SRGAP1: variants seen among roughly 807,000 people sequenced by gnomAD.
SRGAP1 encodes SLIT-ROBO Rho GTPase activating protein 1, also known as SLIT-ROBO Rho GTPase-activating protein 1.
A neutral mutation model predicts 121.9 loss-of-function variants in SRGAP1; 43 were observed. The observed-to-expected ratio is 0.35, with a 90% CI of 0.28 to 0.46. SRGAP1 has a LOEUF of 0.46. Ranked by LOEUF, SRGAP1 falls within the 20% of genes least tolerant of loss-of-function variation. SRGAP1 has a pLI of 1.00. For missense variants in SRGAP1, 1,102 were observed against 1,350.9 expected, an observed-to-expected ratio of 0.82 and a Z score of 2.89; for synonymous variants, 447 against 485.4, an observed-to-expected ratio of 0.92 and a Z score of 1.04.
At chr12:64,059,527 T>A (rs964638163) in intron 6 of SRGAP1, among the ~76,000 whole-genome samples, 3 of 152,168 alleles carry the variant, frequency 2.0e-5, no homozygotes, top group African/African-American at 7.2e-5. Context: ...ACAGCTTGTC[T>A]CATCTGCTGC....
intron 1 of SRGAP1, among the ~76,000 whole-genome samples, chr12:63,924,739 CAG>C (rs908324260): frequency 2.6e-5 from 4 of 152,048 alleles, no homozygotes; most frequent in Non-Finnish European, 5.9e-5. Context: ...ATCATTCTCT[CAG>C]GGGTTACTTG....
intron 6 of SRGAP1, among the ~76,000 whole-genome samples, chr12:64,060,531 C>T (rs200477424): frequency 1.3e-5 from 2 of 151,946 alleles, no homozygotes; most frequent in African/African-American, 4.8e-5. Flanking sequence ...TCTAACAAGC[C>T]CCTGGTGATG....
At chr12:63,847,492 G>T (rs1474555652) in intron 1 of SRGAP1, among the ~76,000 whole-genome samples, 1 of 152,042 alleles carries the variant, frequency 6.6e-6, no homozygotes, top group Non-Finnish European at 1.5e-5. Context: ...GGTGGCTCAC[G>T]CCTGTAATCC....
At chr12:63,989,786 T>C in intron 2 of SRGAP1, 124 bp from the exon 3 acceptor site, 1 of 667,232 alleles carries the variant, frequency 1.5e-6, no homozygotes, top group Admixed American at 3.1e-5. Flanking sequence ...TGAGAAATGC[T>C]CAGAGCAGGA....
At chr12:64,050,138 A>G (rs2035211835) in intron 6 of SRGAP1, among the ~76,000 whole-genome samples, 1 of 151,920 alleles carries the variant, frequency 6.6e-6, no homozygotes. Context: ...GTATCTTTTT[A>G]TATTTGTAGC....
At chr12:64,010,573 A>G (rs2034223355) in intron 3 of SRGAP1, among the ~76,000 whole-genome samples, 2 of 152,122 alleles carry the variant, frequency 1.3e-5, no homozygotes, top group African/African-American at 4.8e-5. Context: ...CATTCAGCAG[A>G]TGTAGCTCCT....
chr12:63,916,615 C>T (rs1308897428), intron 1 of SRGAP1, among the ~76,000 whole-genome samples: 1 of 152,056 alleles, frequency 6.6e-6, no homozygotes, highest in African/African-American at 2.4e-5. Context: ...GAAATGTGTG[C>T]AGAGTGTTCT....
At chr12:63,951,390 C>G (rs1397845730) in intron 1 of SRGAP1, among the ~76,000 whole-genome samples, 1 of 152,102 alleles carries the variant, frequency 6.6e-6, no homozygotes, top group Non-Finnish European at 1.5e-5. Flanking sequence ...TCTCGAACTC[C>G]TGACCTCAAG....
At chr12:64,098,625 G>A (rs1037950624) in intron 15 of SRGAP1, among the ~76,000 whole-genome samples, 2 of 151,604 alleles carry the variant, frequency 1.3e-5, no homozygotes, top group Non-Finnish European at 2.9e-5. Context: ...AGCCAAGATC[G>A]TGCCACTGCA....
chr12:63,958,030 AT>A (rs2032527134), intron 1 of SRGAP1, among the ~76,000 whole-genome samples: 1 of 151,790 alleles, frequency 6.6e-6, no homozygotes, highest in Admixed American at 6.6e-5. Flanking sequence ...TTGAGTACCT[AT>A]CTGAAGTCTT....
chr12:63,979,038 C>T (rs1453613037), intron 1 of SRGAP1, among the ~76,000 whole-genome samples: 2 of 82,154 alleles, frequency 2.4e-5, no homozygotes, highest in South Asian at 1.1e-3. Context: ...ACCCTTTGAC[C>T]TTTTTTTTTT....
chr12:64,012,428 T>C (rs1008862768), intron 3 of SRGAP1, among the ~76,000 whole-genome samples: 7 of 152,088 alleles, frequency 4.6e-5, no homozygotes, highest in Admixed American at 4.6e-4. Context: ...AAAAATTTCT[T>C]CCCTAACACA....
At chr12:63,856,248 G>A (rs1021152095) in intron 1 of SRGAP1, among the ~76,000 whole-genome samples, 5 of 142,946 alleles carry the variant, frequency 3.5e-5, no homozygotes, top group Admixed American at 2.1e-4. Context: ...GCGAAACTCC[G>A]TCTCTAAATA....
intron 3 of SRGAP1, among the ~76,000 whole-genome samples, chr12:64,000,027 A>G (rs993409409): frequency 1.3e-5 from 2 of 152,118 alleles, no homozygotes; most frequent in Non-Finnish European, 2.9e-5. Context: ...GCCAGGAGGG[A>G]GTGGTCAATA....
chr12:63,986,863 G>A (rs1188426421), intron 2 of SRGAP1, among the ~76,000 whole-genome samples: 1 of 152,126 alleles, frequency 6.6e-6, no homozygotes, highest in Non-Finnish European at 1.5e-5. Flanking sequence ...GGTTTATTTG[G>A]TAGTTTTCTT....
At chr12:63,921,368 C>T (rs547535140) in intron 1 of SRGAP1, among the ~76,000 whole-genome samples, 12 of 152,294 alleles carry the variant, frequency 7.9e-5, no homozygotes, top group African/African-American at 2.9e-4. Context: ...TTCTTTATTG[C>T]CTTTATGAGT....
chr12:64,091,512 A>G, intron 12 of SRGAP1, 134 bp downstream of exon 12: 2 of 563,234 alleles, frequency 3.6e-6, no homozygotes, highest in Non-Finnish European at 6.0e-6. Flanking sequence ...AAATCAATAT[A>G]ATATTTCCTG....
At position 64,143,628 on chromosome 12, in the gene SRGAP1, A is replaced by C. The variant is rs1335897837; in HGVS notation, c.*956A>C. 1 of 152,238 alleles carries C rather than the reference A, an allele frequency of 6.6e-6. No homozygotes were observed. The highest frequency in any genetic ancestry group is 1.9e-4 in the East Asian group (1 of 5,196). 9.4% of individuals were successfully genotyped at this position (152,238 alleles called of 1,614,324 possible). ...TTCATGCAGTGTTCTCTTTTGACTA[A>C]ATCACCTAGGTTCCTTTAAACATGC... On this transcript the variant is annotated 3_prime_UTR_variant, in exon 22 of 22. Transcript: ENST00000355086.
At chr12:63,894,726 G>T (rs972533735) in intron 1 of SRGAP1, among the ~76,000 whole-genome samples, 2 of 152,036 alleles carry the variant, frequency 1.3e-5, no homozygotes, top group Non-Finnish European at 2.9e-5. Context: ...ACGGTGTTTG[G>T]TTTTTTGTTC....
Sources: allele counts gnomAD v4.1 joint callset (sites outside exome capture counted in the v4.1 genomes callset), GRCh38; gene constraint gnomAD v4.1.1; transcripts MANE v1.5; gene names NCBI Gene and HGNC (gene_info 2026-07-23, HGNC 2026-07-21).